RNF216: variants seen among roughly 807,000 people sequenced by gnomAD.
RNF216 encodes ring finger protein 216.
RNF216 carries 72 observed loss-of-function variants against 110.8 expected under a neutral mutation model. That is an observed-to-expected ratio of 0.65 (90% CI 0.54 to 0.79). The LOEUF (loss-of-function observed/expected upper bound fraction) is 0.79, where lower values mean the gene tolerates loss of function less well. Among genes scored for constraint, RNF216 ranks in the 30% least tolerant of loss-of-function variants. The probability of loss-of-function intolerance (pLI) is 0.00; values close to 1 mark genes in which losing one functional copy is unlikely to be tolerated. For synonymous variants in RNF216, 495 were observed against 407.5 expected (o/e 1.21, Z -2.59); for missense variants, 1,342 against 1,141.2 (o/e 1.18, Z -2.54).
At chr7:5,703,781 G>A (rs1418248209) in intron 13 of RNF216, among the ~76,000 whole-genome samples, 3 of 152,190 alleles carry the variant, frequency 2.0e-5, no homozygotes, top group Admixed American at 6.5e-5. Context: ...GTCTCTCGTC[G>A]TTAGCGCTTG....
intron 9 of RNF216, among the ~76,000 whole-genome samples, chr7:5,720,289 G>A (rs1022474889): frequency 6.6e-6 from 1 of 152,248 alleles, no homozygotes; most frequent in Middle Eastern, 3.4e-3. Flanking sequence ...CCTACTCAAC[G>A]TGAAGACCAT....
intron 1 of RNF216, among the ~76,000 whole-genome samples, chr7:5,775,711 A>G (rs1254096921): frequency 6.6e-6 from 1 of 152,088 alleles, no homozygotes; most frequent in East Asian, 1.9e-4. Flanking sequence ...TCTACTAAAA[A>G]TACAAAAACT....
intron 1 of RNF216, among the ~76,000 whole-genome samples, chr7:5,780,649 G>C (rs1161225623): frequency 2.6e-5 from 4 of 152,008 alleles, no homozygotes; most frequent in African/African-American, 4.8e-5. Context: ...AGCTTGCAGT[G>C]AGCCGGGATC....
At chr7:5,774,831 T>C (rs1017676083) in intron 1 of RNF216, among the ~76,000 whole-genome samples, 26 of 152,096 alleles carry the variant, frequency 1.7e-4, no homozygotes, top group African/African-American at 5.6e-4. Context: ...CAATCTCAGT[T>C]CACTGCAACA....
intron 1 of RNF216, among the ~76,000 whole-genome samples, chr7:5,775,579 G>A (rs1796727574): frequency 1.3e-5 from 2 of 151,990 alleles, no homozygotes; most frequent in African/African-American, 4.8e-5. Context: ...GCAAAAAGTG[G>A]GCAAAGCAGG....
At chr7:5,707,675 T>C (rs1359371031) in intron 13 of RNF216, among the ~76,000 whole-genome samples, 1 of 151,306 alleles carries the variant, frequency 6.6e-6, no homozygotes, top group Non-Finnish European at 1.5e-5. Flanking sequence ...CCTTGCCTTG[T>C]TCCTGATCTT....
chr7:5,696,818 G>C lies in RNF216; in HGVS notation c.2061+14943C>G, dbSNP rs546859413. Among the ~76,000 whole-genome samples, 1 of 152,240 alleles carries C rather than the reference G, an allele frequency of 6.6e-6. No individual in the cohort carries two copies. ...GCTGTAGGAGGACGGCATGTCCCCA[G>C]GTTACTAGAAATGACTTGCCATAGT... On this transcript the variant is annotated intron_variant, in intron 13 of 16. Coordinates refer to ENST00000389902, the MANE Select transcript of RNF216 (RefSeq NM_207111.4). This position sits in a 1 kb window ranked among gnomAD's most constrained non-coding sequence, Gnocchi z 5.4.
intron 13 of RNF216, among the ~76,000 whole-genome samples, chr7:5,676,723 C>G (rs1350736898): frequency 1.3e-5 from 2 of 152,242 alleles, no homozygotes; most frequent in African/African-American, 4.8e-5. Flanking sequence ...AATGGCATTT[C>G]CGGCCTAACA....
At chr7:5,738,310 T>G (rs1794553048) in intron 5 of RNF216, among the ~76,000 whole-genome samples, 1 of 152,064 alleles carries the variant, frequency 6.6e-6, no homozygotes, top group South Asian at 2.1e-4. Flanking sequence ...ACTGCAGCCT[T>G]GAATTCCTGG....
At chr7:5,701,141 G>C (rs1015934437) in intron 13 of RNF216, among the ~76,000 whole-genome samples, 3 of 152,156 alleles carry the variant, frequency 2.0e-5, no homozygotes, top group Non-Finnish European at 2.9e-5. Flanking sequence ...GCTCTCCCCA[G>C]GTTGCACAGG....
chr7:5,710,924 G>A (rs1040047370), intron 13 of RNF216, among the ~76,000 whole-genome samples: 1 of 152,112 alleles, frequency 6.6e-6, no homozygotes, highest in Non-Finnish European at 1.5e-5. Context: ...AACAGCCTGG[G>A]GTGCGAACAT....
In RNF216 at chr7:5,765,121, G is replaced by A. The variant is rs529646005; in HGVS notation, c.-69-3983C>T. ...ATAAAACAATTTTTACACATTCAAAGACTAAGAGAGTTTACCTCCCACAGA... is the reference window on the plus strand; with the variant it reads ...ATAAAACAATTTTTACACATTCAAAAACTAAGAGAGTTTACCTCCCACAGA... On this transcript the variant is annotated intron_variant, in intron 1 of 16. Transcript: ENST00000389902. 6.1e-5 allele frequency among the ~76,000 whole-genome samples: 9 copies of A among 146,908 alleles called. No homozygotes were observed. The East Asian group carries it at 1.6e-3, about 26-fold the overall frequency.
intron 14 of RNF216, among the ~76,000 whole-genome samples, chr7:5,643,197 A>G (rs1441976156): frequency 6.6e-6 from 1 of 152,130 alleles, no homozygotes; most frequent in Admixed American, 6.5e-5. Flanking sequence ...GCTATTCAAT[A>G]TTGCACAAAT....
rs73062697 is a variant in RNF216 at position 5,679,182 on chromosome 7, C to T, written c.2062-26672G>A. ...GACTTTTCAGGAGGATCCTGTCACCCTCGGGTAGGGGTGGTGGTGGTGCGG... is the reference window on the plus strand; with the variant it reads ...GACTTTTCAGGAGGATCCTGTCACCTTCGGGTAGGGGTGGTGGTGGTGCGG... On this transcript the variant is annotated intron_variant, in intron 13 of 16. Coordinates refer to ENST00000389902, the MANE Select transcript of RNF216 (RefSeq NM_207111.4). Among the ~76,000 whole-genome samples the T allele has an allele frequency of 4.3e-3, 657 of 152,178 alleles. 3 individuals are homozygous for T. The highest frequency in any genetic ancestry group is 7.4e-3 in the Non-Finnish European group (504 of 67,988).
chr7:5,700,048 C>T (rs1791866167), intron 13 of RNF216, among the ~76,000 whole-genome samples: 1 of 152,238 alleles, frequency 6.6e-6, no homozygotes, highest in Admixed American at 6.5e-5. Flanking sequence ...GCCCTAAACA[C>T]TCCTCTTTGC....
chr7:5,715,845 G>A (rs371438133), intron 10 of RNF216, among the ~76,000 whole-genome samples: 10 of 149,072 alleles, frequency 6.7e-5, no homozygotes, highest in Non-Finnish European at 1.2e-4. Flanking sequence ...AGGTTCAAGC[G>A]ATTCTCCTGC....
At position 5,740,418 on chromosome 7, in the gene RNF216, G is replaced by A. The variant is rs1408692729; in HGVS notation, c.1044+555C>T. ...TGGGATTACAGGTGTGAGCCAGCAC[G>A]CCCAGCCCTTGTGTTACTCTTAATA... On this transcript the variant is annotated intron_variant, in intron 4 of 16. Coordinates refer to ENST00000389902, the MANE Select transcript of RNF216 (RefSeq NM_207111.4). Among the ~76,000 whole-genome samples, 4 of 152,068 alleles carry A rather than the reference G, an allele frequency of 2.6e-5. No individual in the cohort carries two copies. In the South Asian group the frequency reaches 6.2e-4, roughly 24 times the overall value.
chr7:5,661,358 A>G (rs1272178661), intron 13 of RNF216, among the ~76,000 whole-genome samples: 1 of 152,190 alleles, frequency 6.6e-6, no homozygotes, highest in Non-Finnish European at 1.5e-5. Context: ...CACCATGCCC[A>G]GCTTGTAGGC....
chr7:5,666,165 CAAA>C (rs575439935), intron 13 of RNF216, among the ~76,000 whole-genome samples: 8 of 65,488 alleles, frequency 1.2e-4, no homozygotes, highest in Non-Finnish European at 2.0e-4. Context: ...GACTCCGTCT[CAAA>C]AAAAAAAAAA....
Sources: gnomAD v4.1 joint callset for allele counts (sites outside exome capture counted in the v4.1 genomes callset) on GRCh38, gnomAD v4.1.1 for gene constraint, Gnocchi (gnomAD v3.1) non-coding constraint, MANE v1.5 for transcripts, NCBI Gene and HGNC (gene_info 2026-07-23, HGNC 2026-07-21) for gene names.